EYS: variants seen among roughly 807,000 people sequenced by gnomAD.
EYS encodes protein eyes shut homolog.
Under a neutral mutation model 282.1 loss-of-function variants are expected in EYS, and 250 were observed. That is an observed-to-expected ratio of 0.89 (90% CI 0.80 to 0.98). EYS has a LOEUF of 0.98. EYS is among the 50% of genes least tolerant of loss of function. The pLI, the probability that EYS is intolerant of heterozygous loss-of-function variation, is 0.00. For missense variants in EYS, 4,016 were observed against 3,709.0 expected, an observed-to-expected ratio of 1.08 and a Z score of -2.15; for synonymous variants, 1,355 against 1,282.9, an observed-to-expected ratio of 1.06 and a Z score of -1.20.
chr6:65,519,691 T>TAC, intron 2 of EYS, among the ~76,000 whole-genome samples: 1 of 39,528 alleles, frequency 2.5e-5, no homozygotes, highest in East Asian at 1.6e-3. Flanking sequence ...AATAACTATA[T>TAC]ATATATATAT....
chr6:65,643,686 C>G (rs150099189), intron 1 of EYS, among the ~76,000 whole-genome samples: 11 of 152,266 alleles, frequency 7.2e-5, no homozygotes, highest in Non-Finnish European at 1.6e-4. Context: ...CCTCACTCCC[C>G]TACTATCTCC....
At chr6:65,199,386 C>A (rs1252731875) in intron 12 of EYS, among the ~76,000 whole-genome samples, 9 of 152,060 alleles carry the variant, frequency 5.9e-5, no homozygotes, top group African/African-American at 2.2e-4. Context: ...GAGAAGAATG[C>A]AAAGTTTTCC....
At chr6:65,177,375 T>C (rs1406095896) in intron 12 of EYS, among the ~76,000 whole-genome samples, 1 of 151,884 alleles carries the variant, frequency 6.6e-6, no homozygotes, top group African/African-American at 2.4e-5. Context: ...AAAATGGGCA[T>C]TATGTTAATA....
At chr6:64,119,840 C>A (rs1773514331) in intron 31 of EYS, among the ~76,000 whole-genome samples, 1 of 152,160 alleles carries the variant, frequency 6.6e-6, no homozygotes, top group African/African-American at 2.4e-5. Flanking sequence ...GATTAAAGTG[C>A]ACCTTATTTT....
At chr6:64,438,668 T>C (rs568660908) in intron 27 of EYS, among the ~76,000 whole-genome samples, 112 of 151,680 alleles carry the variant, frequency 7.4e-4, no homozygotes, top group Non-Finnish European at 1.4e-3. Flanking sequence ...AAAAAGACAA[T>C]GAATGTTAAT....
At chr6:65,176,076 ATG>A (rs377120047) in intron 12 of EYS, among the ~76,000 whole-genome samples, 1 of 151,312 alleles carries the variant, frequency 6.6e-6, no homozygotes, top group Non-Finnish European at 1.5e-5. Flanking sequence ...GTGTGTTTGT[ATG>A]TGTGTGTGTG....
At chr6:64,223,206 A>ATTGTCACT (rs1441708792) in intron 31 of EYS, among the ~76,000 whole-genome samples, 2 of 151,948 alleles carry the variant, frequency 1.3e-5, no homozygotes, top group African/African-American at 4.8e-5. Flanking sequence ...CTGTTTAACC[A>ATTGTCACT]TTGTCACTTA....
At chr6:63,759,496 A>G (rs966798633) in intron 41 of EYS, among the ~76,000 whole-genome samples, 1 of 152,106 alleles carries the variant, frequency 6.6e-6, no homozygotes, top group Admixed American at 6.6e-5. Flanking sequence ...AGCAGGTTGT[A>G]CTGAAAAGCA....
chr6:64,300,298 C>T (rs1769189619), intron 30 of EYS, among the ~76,000 whole-genome samples: 1 of 152,168 alleles, frequency 6.6e-6, no homozygotes, highest in African/African-American at 2.4e-5. Flanking sequence ...AGAAGCAACA[C>T]AGACAAAAAG....
intron 14 of EYS, among the ~76,000 whole-genome samples, chr6:64,978,924 G>C (rs1235081505): frequency 6.6e-6 from 1 of 151,866 alleles, no homozygotes; most frequent in East Asian, 1.9e-4. Context: ...TATTATGGAT[G>C]AGCAAAGAAA....
chr6:63,989,436 C>A (rs1013208430), intron 34 of EYS, among the ~76,000 whole-genome samples: 3 of 151,614 alleles, frequency 2.0e-5, no homozygotes, highest in Non-Finnish European at 4.4e-5. Context: ...ATAACACCAG[C>A]AATATTTATC....
At chr6:64,349,198 T>C (rs962586135) in intron 29 of EYS, among the ~76,000 whole-genome samples, 1 of 151,406 alleles carries the variant, frequency 6.6e-6, no homozygotes, top group African/African-American at 2.4e-5. Context: ...CAATGTATAA[T>C]ATTACTATCA....
intron 28 of EYS, among the ~76,000 whole-genome samples, chr6:64,403,296 A>C (rs2150437630): frequency 6.6e-6 from 1 of 152,286 alleles, no homozygotes; most frequent in Admixed American, 6.5e-5. Flanking sequence ...CAATTTATGA[A>C]TATTCACAAA....
chr6:64,179,808 T>C (rs1046868406), intron 31 of EYS, among the ~76,000 whole-genome samples: 4 of 152,084 alleles, frequency 2.6e-5, no homozygotes, highest in Non-Finnish European at 4.4e-5. Flanking sequence ...TAAGAACAGA[T>C]GAAAATAAAG....
chr6:65,395,162 C>G (rs1040704411), intron 7 of EYS, among the ~76,000 whole-genome samples: 1 of 152,188 alleles, frequency 6.6e-6, no homozygotes, highest in Non-Finnish European at 1.5e-5. Context: ...CTCCCAGATT[C>G]TATTGATTCT....
chr6:65,188,021 C>G (rs777282363), intron 12 of EYS, among the ~76,000 whole-genome samples: 1 of 151,568 alleles, frequency 6.6e-6, no homozygotes, highest in African/African-American at 2.4e-5. Flanking sequence ...ATTAAACTTT[C>G]ATGTAAAATT....
intron 31 of EYS, among the ~76,000 whole-genome samples, chr6:64,095,027 G>A (rs960864079): frequency 1.3e-5 from 2 of 152,164 alleles, no homozygotes; most frequent in Non-Finnish European, 2.9e-5. Flanking sequence ...TAGTCATTCA[G>A]GAGCAGGTTG....
intron 2 of EYS, among the ~76,000 whole-genome samples, chr6:65,531,868 A>T (rs1182938833): frequency 1.3e-5 from 2 of 152,172 alleles, no homozygotes; most frequent in Admixed American, 1.3e-4. Flanking sequence ...TATATAGAAC[A>T]TCTTGATTTT....
At chr6:65,269,939 C>A (rs965305716) in intron 12 of EYS, among the ~76,000 whole-genome samples, 3 of 152,128 alleles carry the variant, frequency 2.0e-5, no homozygotes, top group Non-Finnish European at 4.4e-5. Flanking sequence ...TTCTTCCCCC[C>A]AAATTCATGT....
Sources: allele counts gnomAD v4.1 joint callset (sites outside exome capture counted in the v4.1 genomes callset), GRCh38; gene constraint gnomAD v4.1.1; transcripts MANE v1.5; gene names NCBI Gene and HGNC (gene_info 2026-07-23, HGNC 2026-07-21).